DNAH7: variants seen among roughly 807,000 people sequenced by gnomAD.
The protein encoded by DNAH7 is axonemal beta dynein heavy chain 7.
A neutral mutation model predicts 444.6 loss-of-function variants in DNAH7; 397 were observed. That is an observed-to-expected ratio of 0.89 (90% CI 0.82 to 0.97). The LOEUF (loss-of-function observed/expected upper bound fraction) is 0.97. DNAH7 is among the 50% of genes least tolerant of loss of function. DNAH7 has a pLI of 0.00. For missense variants in DNAH7, 4,902 were observed against 4,800.8 expected (o/e 1.02, Z -0.62); for synonymous variants, 1,636 against 1,624.4 (o/e 1.01, Z -0.17).
intron 24 of DNAH7, among the ~76,000 whole-genome samples, chr2:195,915,694 T>C (rs550006444): frequency 3.5e-4 from 54 of 152,326 alleles, no homozygotes; most frequent in African/African-American, 1.3e-3. Flanking sequence ...CCTGTTTAAG[T>C]AGTGGTTGGA....
chr2:196,030,429 CCTCCAAAT>C (rs1273415714), intron 5 of DNAH7, among the ~76,000 whole-genome samples: 1 of 152,126 alleles, frequency 6.6e-6, no homozygotes, highest in Non-Finnish European at 1.5e-5. Context: ...ACCCCTGGCC[CCTCCAAAT>C]CTCATGTCTT....
intron 48 of DNAH7, among the ~76,000 whole-genome samples, chr2:195,829,872 G>C (rs1697975484): frequency 6.6e-6 from 1 of 151,692 alleles, no homozygotes. Context: ...GATATTTGTA[G>C]TGTCTTGATT....
intron 1 of DNAH7, 39 bp from the exon 2 acceptor site, chr2:196,058,155 G>A (rs12622033): frequency 0.011 from 15,967 of 1,511,146 alleles, 587 homozygotes; most frequent in African/African-American, 0.1. Flanking sequence ...TGTTTACTCC[G>A]TTAATGCTAA....
intron 21 of DNAH7, among the ~76,000 whole-genome samples, chr2:195,933,255 G>A (rs1688823836): frequency 2.0e-5 from 3 of 152,250 alleles, no homozygotes; most frequent in African/African-American, 7.2e-5. Context: ...GAAACAACAG[G>A]TGCTGGAGAG....
At chr2:195,754,305 T>C in intron 63 of DNAH7, 32 bp downstream of exon 63, 2 of 1,597,608 alleles carry the variant, frequency 1.3e-6, no homozygotes, top group Non-Finnish European at 1.7e-6. Context: ...AGTGCCCAGA[T>C]ATGAGCCGAC....
intron 54 of DNAH7, among the ~76,000 whole-genome samples, chr2:195,802,942 G>C (rs1696545072): frequency 6.6e-6 from 1 of 152,118 alleles, no homozygotes. Context: ...ACTTATAAGT[G>C]ACAACATTCA....
intron 37 of DNAH7, 47 bp downstream of exon 37, chr2:195,876,497 C>G (rs1329172270): frequency 3.9e-6 from 6 of 1,555,096 alleles, no homozygotes; most frequent in Non-Finnish European, 5.2e-6. Flanking sequence ...GTTCCAACTG[C>G]AGCAATGTAT....
intron 36 of DNAH7, among the ~76,000 whole-genome samples, chr2:195,880,728 T>C (rs1701328967): frequency 6.6e-6 from 1 of 152,224 alleles, no homozygotes; most frequent in Admixed American, 6.5e-5. Context: ...ACAATACCCT[T>C]AAAATCATCT....
At chr2:195,791,758 T>C (rs1024852251) in intron 57 of DNAH7, among the ~76,000 whole-genome samples, 18 of 152,206 alleles carry the variant, frequency 1.2e-4, no homozygotes, top group African/African-American at 4.3e-4. Context: ...TGCAGCAACA[T>C]GGATGCAGCT....
At chr2:195,839,958 T>G (rs1698584975) in intron 47 of DNAH7, among the ~76,000 whole-genome samples, 1 of 151,804 alleles carries the variant, frequency 6.6e-6, no homozygotes, top group African/African-American at 2.4e-5. Context: ...TAATTCTAAT[T>G]CTACATGATC....
intron 17 of DNAH7, among the ~76,000 whole-genome samples, chr2:195,966,766 T>C (rs1449428894): frequency 1.3e-5 from 2 of 152,182 alleles, no homozygotes; most frequent in African/African-American, 4.8e-5. Flanking sequence ...TTGTTACTCC[T>C]GGTAATTTTT....
intron 12 of DNAH7, chr2:195,994,262 G>C (rs773491549): frequency 2.6e-6 from 1 of 391,152 alleles, no homozygotes; most frequent in Non-Finnish European, 4.9e-6. Flanking sequence ...CATACCTGAA[G>C]TCTTCCACCA....
At position 196,048,311 on chromosome 2, in the gene DNAH7, T is replaced by A; in HGVS notation, c.235A>T (p.Asn79Tyr). Residue 79 changes from asparagine to tyrosine, a missense_variant, in exon 4 of 65, where the codon AAT becomes TAT. Transcript: ENST00000312428. ...DESPEPFSVKNEQSHAEYMER... is the reference protein window; with the variant it reads ...DESPEPFSVKYEQSHAEYMER... ...AAGTTCTTACCATGGGACTGTTCATTTTTAACACTAAATGGTTCTGGACTC... is the reference window on the plus strand; with the variant it reads ...AAGTTCTTACCATGGGACTGTTCATATTTAACACTAAATGGTTCTGGACTC... The A allele has an allele frequency of 6.2e-7, 1 of 1,613,456 alleles. No homozygotes were observed.
chr2:195,950,119 A>C (rs1274735980), intron 19 of DNAH7, among the ~76,000 whole-genome samples: 1 of 152,142 alleles, frequency 6.6e-6, no homozygotes, highest in Non-Finnish European at 1.5e-5. Context: ...GGCCTCATAA[A>C]TGGGTTAGGG....
At chr2:196,055,222 G>A (rs1267229788) in intron 2 of DNAH7, among the ~76,000 whole-genome samples, 1 of 151,994 alleles carries the variant, frequency 6.6e-6, no homozygotes, top group Non-Finnish European at 1.5e-5. Flanking sequence ...TAGGCGTGGT[G>A]ACCCATGCCT....
chr2:195,853,557 C>A lies in DNAH7; in HGVS notation c.8596-29G>T, dbSNP rs145458618. 9.2e-4 allele frequency: 1,466 copies of A among 1,587,256 alleles called. 15 individuals carry two copies. In the African/African-American group the frequency reaches 0.018, roughly 19 times the overall value. The stretch of plus-strand genomic sequence containing the variant: ...GAAAATAAAAGTGAGCTTTTATCAA[C>A]ATTTACAAGTATAAGAAGTTTAAAA... On this transcript the variant is annotated intron_variant, in intron 45 of 64. Coordinates refer to ENST00000312428, the MANE Select transcript of DNAH7 (RefSeq NM_018897.3).
intron 11 of DNAH7, 121 bp from the exon 12 acceptor site, chr2:196,001,004 A>C: frequency 4.2e-6 from 3 of 710,636 alleles, no homozygotes; most frequent in Non-Finnish European, 4.2e-6. Flanking sequence ...CCAGACAGCT[A>C]AGCCAAGGAG....
At chr2:195,958,841 T>C (rs1294751999) in intron 18 of DNAH7, among the ~76,000 whole-genome samples, 1 of 152,168 alleles carries the variant, frequency 6.6e-6, no homozygotes. Flanking sequence ...CTAAGGCACA[T>C]AGAGGCAAGT....
At chr2:195,916,948 A>G (rs541017579) in intron 24 of DNAH7, among the ~76,000 whole-genome samples, 1 of 151,462 alleles carries the variant, frequency 6.6e-6, no homozygotes, top group South Asian at 2.1e-4. Context: ...ACAAAATACA[A>G]AAAATTAGCC....
Sources: gnomAD v4.1 joint callset for allele counts (sites outside exome capture counted in the v4.1 genomes callset) on GRCh38, gnomAD v4.1.1 for gene constraint, MANE v1.5 for transcripts, NCBI Gene and HGNC (gene_info 2026-07-23, HGNC 2026-07-21) for gene names.